The following AAK1 variants were observed in gnomAD, a reference collection of about 807,000 sequenced individuals.
AAK1 encodes the protein AP2-associated protein kinase 1.
In AAK1, 37 loss-of-function variants were observed where a neutral mutation model predicts 116.0. That is an observed-to-expected ratio of 0.32 (90% CI 0.25 to 0.42). AAK1 has a LOEUF of 0.42. Ranked by LOEUF, AAK1 falls within the 10% of genes least tolerant of loss-of-function variation. The pLI is 1.00. For missense variants in AAK1, 919 were observed against 1,170.6 expected (o/e 0.79, Z 3.14); for synonymous variants, 458 against 439.9 (o/e 1.04, Z -0.51).
intron 3 of AAK1, among the ~76,000 whole-genome samples, chr2:69,545,482 GAAA>G (rs1207413455): frequency 1.3e-5 from 2 of 152,162 alleles, no homozygotes; most frequent in Non-Finnish European, 2.9e-5. Context: ...CAGGGGGAAG[GAAA>G]ACATGTGGTC....
intron 17 of AAK1, among the ~76,000 whole-genome samples, chr2:69,485,403 G>A (rs148016124): frequency 3.3e-4 from 51 of 152,274 alleles, no homozygotes; most frequent in African/African-American, 1.2e-3. Flanking sequence ...AAATGGAGAT[G>A]CCTCCCCCTA....
chr2:69,617,883 A>G (rs1674413054), intron 2 of AAK1, among the ~76,000 whole-genome samples: 1 of 152,250 alleles, frequency 6.6e-6, no homozygotes, highest in Non-Finnish European at 1.5e-5. Flanking sequence ...TTCCAACTCA[A>G]AGATTAGGCT....
chr2:69,641,881 C>T (rs3907854), intron 2 of AAK1, among the ~76,000 whole-genome samples: 7,387 of 152,260 alleles, frequency 0.049, 998 homozygotes, highest in East Asian at 0.38. Flanking sequence ...GTCTATAACA[C>T]AACCTACAGC....
chr2:69,458,537 C>T lies in AAK1; in HGVS notation c.*17332G>A, dbSNP rs1674266449. The stretch of plus-strand genomic sequence containing the variant: ...CAAGGCTAAAGCCATGGCTGATTTC[C>T]CCAACCTTTTATCGCGAAGAACTCC... On this transcript the variant is annotated 3_prime_UTR_variant, in exon 22 of 22. Transcript: ENST00000409085. 1 of 152,610 alleles carries T rather than the reference C, an allele frequency of 6.6e-6. No individual in the cohort carries two copies. The highest frequency in any genetic ancestry group is 2.1e-4 in the South Asian group (1 of 4,832). 9.5% of individuals were successfully genotyped at this position (152,610 alleles called of 1,614,324 possible). A position where few individuals can be genotyped will look rare whatever the true frequency, so the allele number is the denominator to read the frequency against.
intron 5 of AAK1, among the ~76,000 whole-genome samples, chr2:69,533,299 C>A (rs1334178525): frequency 6.6e-6 from 1 of 151,876 alleles, no homozygotes; most frequent in Non-Finnish European, 1.5e-5. Flanking sequence ...TGGAATAAAC[C>A]AAAAAACACT....
intron 14 of AAK1, 135 bp from the exon 15 acceptor site, chr2:69,507,713 T>A: frequency 1.0e-6 from 1 of 955,860 alleles, no homozygotes; most frequent in Non-Finnish European, 1.5e-6. Context: ...CAGTATTTTT[T>A]TTTTTTTTTT....
chr2:69,609,063 G>A (rs1158665025), intron 2 of AAK1, among the ~76,000 whole-genome samples: 3 of 152,190 alleles, frequency 2.0e-5, no homozygotes, highest in Admixed American at 2.0e-4. Flanking sequence ...CAGGTTCAAT[G>A]CCATCCCAAT....
chr2:69,500,666 T>A (rs1339565348), intron 16 of AAK1, among the ~76,000 whole-genome samples: 6 of 68,948 alleles, frequency 8.7e-5, no homozygotes, highest in Non-Finnish European at 1.3e-4. Context: ...TCCCTTAAAA[T>A]ATATATATAT....
rs776399380 is a variant in AAK1, at chr2:69,509,435, G to A, written c.1802C>T (p.Pro601Leu). The A allele has an allele frequency of 2.5e-5, 40 of 1,613,656 alleles. No homozygotes were observed. In the Admixed American group the frequency reaches 6.5e-4, roughly 26 times the overall value. The change falls in exon 14 of 22, where the codon CCA (proline) becomes CTA (leucine). Residue 601 changes from proline (P) to leucine (L), a missense_variant. Physicochemically the swap from Pro to Leu is moderately conservative, Grantham distance 98. Around this residue, in one of 4 missense-constraint regions of AAK1, gnomAD observed 125 missense variants for 184.1 expected, o/e 0.68. Transcript: ENST00000409085. ...AGGAGGTGGGGTTGTCTGAACCTTT[G>A]GCTGTTGTCTTACTGGGGCTTGAAT... Reference protein sequence around the residue: ...PAIQAPVRQQPKVQTTPPPAV... With the variant: ...PAIQAPVRQQLKVQTTPPPAV...
At position 69,643,123 on chromosome 2, in the gene AAK1, C is replaced by G. The variant is rs1190237086; in HGVS notation, c.-83G>C. The G allele has an allele frequency of 2.1e-6, 3 of 1,417,782 alleles. No homozygotes were observed. The Admixed American group carries it at 9.3e-5, about 44-fold the overall frequency. 87.8% of individuals were successfully genotyped at this position (1,417,782 alleles called of 1,614,324 possible). On this transcript the variant is annotated 5_prime_UTR_variant, in exon 2 of 22. Transcript: ENST00000409085. Reference sequence around the variant, plus strand: ...TTTTTTTTTTTTAAGAAAAGAGATCCAAGGATTTCTTCTCAGATTTCACCT... The same window carrying G: ...TTTTTTTTTTTTAAGAAAAGAGATCGAAGGATTTCTTCTCAGATTTCACCT...
rs1025748413 is a variant in AAK1, at chr2:69,459,193, C to T, written c.*16676G>A. The stretch of plus-strand genomic sequence containing the variant: ...GTCACTACAGAGTAAGGCTGGGGTC[C>T]TGCCAACCTTCCTTCATCCTTTCTT... On this transcript the variant is annotated 3_prime_UTR_variant, in exon 22 of 22. Transcript: ENST00000409085. The T allele has an allele frequency of 3.3e-5, 5 of 152,238 alleles. No individual in the cohort carries two copies. Among genetic ancestry groups the T allele is most frequent in the Non-Finnish European group, 5.9e-5 (4 of 68,038 alleles). The allele number at this position is 152,238 out of a possible 1,614,324, so 9.4% of individuals were successfully genotyped here. A position where few individuals can be genotyped will look rare whatever the true frequency, so the allele number is the denominator to read the frequency against.
intron 3 of AAK1, among the ~76,000 whole-genome samples, chr2:69,545,996 A>T (rs1284570898): frequency 6.6e-6 from 1 of 152,142 alleles, no homozygotes; most frequent in Non-Finnish European, 1.5e-5. Flanking sequence ...AAGAGAAGAG[A>T]GCTTTAAGAT....
chr2:69,482,629 G>T, intron 18 of AAK1, 82 bp downstream of exon 18: 3 of 1,131,540 alleles, frequency 2.7e-6, no homozygotes, highest in Non-Finnish European at 4.0e-6. Flanking sequence ...ATTCCCCAGG[G>T]ATTGGTTAAC....
chr2:69,508,490 C>T (rs1047334613), intron 14 of AAK1, among the ~76,000 whole-genome samples: 1 of 152,200 alleles, frequency 6.6e-6, no homozygotes, highest in Non-Finnish European at 1.5e-5. Flanking sequence ...ACTCAACACT[C>T]ATCAAAATCT....
chr2:69,601,044 CACTT>C (rs1673554599), intron 2 of AAK1, among the ~76,000 whole-genome samples: 1 of 152,204 alleles, frequency 6.6e-6, no homozygotes, highest in South Asian at 2.1e-4. Flanking sequence ...TTAGACTTAA[CACTT>C]AGTAGGCTTA....
chr2:69,511,577 T>C (rs1278779955), intron 13 of AAK1, among the ~76,000 whole-genome samples: 2 of 152,160 alleles, frequency 1.3e-5, no homozygotes, highest in Non-Finnish European at 2.9e-5. Context: ...GAGGATACAC[T>C]GAATGGGCTT....
intron 17 of AAK1, among the ~76,000 whole-genome samples, chr2:69,488,893 C>A (rs1183252385): frequency 6.6e-6 from 1 of 151,976 alleles, no homozygotes; most frequent in Non-Finnish European, 1.5e-5. Context: ...CTCTTATGGA[C>A]AAAATGAAGA....
intron 17 of AAK1, among the ~76,000 whole-genome samples, chr2:69,483,594 C>CT (rs1315337235): frequency 6.6e-6 from 1 of 152,020 alleles, no homozygotes; most frequent in Non-Finnish European, 1.5e-5. Context: ...GAATCTCTCT[C>CT]TTTTTTCGGG....
chr2:69,480,319 T>A (rs1675038241), intron 19 of AAK1, among the ~76,000 whole-genome samples: 1 of 151,594 alleles, frequency 6.6e-6, no homozygotes. Context: ...GTTAAGAAAT[T>A]CTATTAAGAC....
Sources: gnomAD v4.1 joint callset for allele counts (sites outside exome capture counted in the v4.1 genomes callset) on GRCh38, gnomAD v4.1.1 for gene constraint, gnomAD v4.1.1 regional missense constraint, MANE v1.5 for transcripts, NCBI Gene and HGNC (gene_info 2026-07-23, HGNC 2026-07-21) for gene names.